HCRTR2: variants seen among roughly 807,000 people sequenced by gnomAD.
HCRTR2 encodes orexin receptor type 2.
Under a neutral mutation model 49.0 loss-of-function variants are expected in HCRTR2, and 22 were observed. That is an observed-to-expected ratio of 0.45 (90% CI 0.32 to 0.64). HCRTR2 has a LOEUF of 0.64. Ranked by LOEUF, HCRTR2 falls within the 30% of genes least tolerant of loss-of-function variation. The probability of loss-of-function intolerance (pLI) is 0.04; values close to 1 mark genes in which losing one functional copy is unlikely to be tolerated. For synonymous variants in HCRTR2, 236 were observed against 205.3 expected (o/e 1.15, Z -1.28); for missense variants, 491 against 559.4 (o/e 0.88, Z 1.23).
At chr6:55,140,758 A>G (rs74864142) in intron 1 of HCRTR2, among the ~76,000 whole-genome samples, 2,271 of 152,272 alleles carry the variant, frequency 0.015, 68 homozygotes, top group African/African-American at 0.053. Context: ...CAGGAAATTA[A>G]CCTTTCAATT....
intron 1 of HCRTR2, among the ~76,000 whole-genome samples, chr6:55,238,350 T>C (rs1766253828): frequency 6.6e-6 from 1 of 152,190 alleles, no homozygotes; most frequent in South Asian, 2.1e-4. Context: ...CCAACTTGCT[T>C]TCTTGGAATT....
At chr6:55,259,909 GA>G (rs1333182886) in intron 3 of HCRTR2, among the ~76,000 whole-genome samples, 1 of 152,064 alleles carries the variant, frequency 6.6e-6, no homozygotes, top group African/African-American at 2.4e-5. Flanking sequence ...TGGCATATCT[GA>G]GTTTTTAATC....
At chr6:55,231,155 A>G (rs1308280844) in intron 1 of HCRTR2, among the ~76,000 whole-genome samples, 1 of 152,170 alleles carries the variant, frequency 6.6e-6, no homozygotes, top group Admixed American at 6.5e-5. Context: ...CACTTCAGTC[A>G]TGAGGTAAAA....
In HCRTR2 at chr6:55,174,616, C is replaced by A. The variant is rs764654208; in HGVS notation, c.29C>A (p.Pro10His). 7 of 1,614,040 alleles carry A rather than the reference C, an allele frequency of 4.3e-6. No individual in the cohort carries two copies. Among genetic ancestry groups the A allele is most frequent in the Non-Finnish European group, 5.9e-6 (7 of 1,179,998 alleles). Reference sequence around the variant, plus strand: ...TCCGGCACCAAATTGGAGGACTCCCCCCCTTGTCGCAACTGGTCATCTGCT... The same window carrying A: ...TCCGGCACCAAATTGGAGGACTCCCACCCTTGTCGCAACTGGTCATCTGCT... Reference protein sequence around the residue: MSGTKLEDSPPCRNWSSASE... With the variant: MSGTKLEDSHPCRNWSSASE... Residue 10 changes from proline to histidine, a missense_variant, in exon 1 of 7, where the codon CCC becomes CAC. Coordinates refer to ENST00000370862, the MANE Select transcript of HCRTR2 (RefSeq NM_001384272.1).
intron 1 of HCRTR2, among the ~76,000 whole-genome samples, chr6:55,221,952 A>G (rs929365214): frequency 2.0e-5 from 3 of 152,176 alleles, no homozygotes; most frequent in Non-Finnish European, 2.9e-5. Context: ...AAAAATAGAT[A>G]AGTGGAACTA....
At chr6:55,170,590 T>A (rs974040524), upstream of HCRTR2, among the ~76,000 whole-genome samples, 23 of 136,330 alleles carry the variant, frequency 1.7e-4, no homozygotes, top group African/African-American at 6.7e-4. Context: ...TTTATTTATT[T>A]ATTTTTATTA....
At chr6:55,269,694 A>G (rs960282217) in intron 4 of HCRTR2, among the ~76,000 whole-genome samples, 2 of 152,176 alleles carry the variant, frequency 1.3e-5, no homozygotes, top group African/African-American at 4.8e-5. Context: ...TTGATTGCTT[A>G]TGCCTGTAAT....
At chr6:55,236,985 T>C (rs959018072) in intron 1 of HCRTR2, among the ~76,000 whole-genome samples, 1 of 152,152 alleles carries the variant, frequency 6.6e-6, no homozygotes, top group African/African-American at 2.4e-5. Flanking sequence ...TTATGCACAC[T>C]CTTCTGCATT....
At chr6:55,132,089 T>C (rs1377494990) in intron 1 of HCRTR2, among the ~76,000 whole-genome samples, 3 of 150,952 alleles carry the variant, frequency 2.0e-5, no homozygotes, top group Middle Eastern at 3.5e-3. Context: ...ATCCCTTTAA[T>C]TAATAAAATT....
intron 1 of HCRTR2, among the ~76,000 whole-genome samples, chr6:55,198,389 A>G (rs1765455598): frequency 6.6e-6 from 1 of 152,102 alleles, no homozygotes; most frequent in Non-Finnish European, 1.5e-5. Flanking sequence ...TCTAAAATTA[A>G]CCCCAACACT....
intron 1 of HCRTR2, among the ~76,000 whole-genome samples, chr6:55,117,124 A>T (rs9349753): frequency 0.31 from 46,452 of 151,746 alleles, 9,255 homozygotes; most frequent in East Asian, 0.79. Context: ...CACCATTCAA[A>T]TAGTGTCTGG....
At chr6:55,159,313 G>C (rs540659896) in intron 1 of HCRTR2, among the ~76,000 whole-genome samples, 1 of 143,216 alleles carries the variant, frequency 7.0e-6, no homozygotes, top group African/African-American at 2.6e-5. Flanking sequence ...CAGCACATCC[G>C]CACAAAAACC....
intron 1 of HCRTR2, among the ~76,000 whole-genome samples, chr6:55,159,707 C>G (rs1344818683): frequency 6.6e-6 from 1 of 151,964 alleles, no homozygotes; most frequent in Non-Finnish European, 1.5e-5. Context: ...GTATCAATAT[C>G]CAAATCGATC....
intron 4 of HCRTR2, among the ~76,000 whole-genome samples, chr6:55,276,862 A>G (rs1033311940): frequency 2.6e-5 from 4 of 152,188 alleles, no homozygotes; most frequent in Admixed American, 1.3e-4. Context: ...CTTTCATTCA[A>G]AGGTTTGCTT....
At chr6:55,169,270 T>C (rs1363598365) in intron 1 of HCRTR2, among the ~76,000 whole-genome samples, 2 of 151,776 alleles carry the variant, frequency 1.3e-5, no homozygotes, top group Non-Finnish European at 2.9e-5. Flanking sequence ...ATATCAGATC[T>C]AATAATGCAG....
At chr6:55,282,920 G>T (rs1037440041), downstream of HCRTR2, among the ~76,000 whole-genome samples, 2 of 151,890 alleles carry the variant, frequency 1.3e-5, no homozygotes, top group Admixed American at 1.3e-4. Context: ...CAAGACTGTT[G>T]TTATAATGTG....
chr6:55,117,742 G>GT (rs1764137735), intron 1 of HCRTR2, among the ~76,000 whole-genome samples: 1 of 120,508 alleles, frequency 8.3e-6, no homozygotes, highest in Non-Finnish European at 1.6e-5. Context: ...TTCTATTGAG[G>GT]TTTTAGCCAA....
At chr6:55,188,896 A>G (rs1765269633) in intron 1 of HCRTR2, among the ~76,000 whole-genome samples, 1 of 152,208 alleles carries the variant, frequency 6.6e-6, no homozygotes, top group Admixed American at 6.5e-5. Flanking sequence ...TTGACATGTG[A>G]ATACGATTTT....
chr6:55,208,259 G>A (rs1409776651), intron 1 of HCRTR2, among the ~76,000 whole-genome samples: 1 of 151,158 alleles, frequency 6.6e-6, no homozygotes, highest in Non-Finnish European at 1.5e-5. Context: ...TGGATCACTT[G>A]AGGTCAGGAG....
Sources: allele counts gnomAD v4.1 joint callset (sites outside exome capture counted in the v4.1 genomes callset), GRCh38; gene constraint gnomAD v4.1.1; transcripts MANE v1.5; gene names NCBI Gene and HGNC (gene_info 2026-07-23, HGNC 2026-07-21).